The following ENTREP2 variants were observed in gnomAD, a reference collection of about 807,000 sequenced individuals.
The protein encoded by ENTREP2 is protein ENTREP2.
At chr15:29,229,431 C>G in the ENTREP2 span, among the ~76,000 whole-genome samples, 1 of 152,174 alleles carries the variant, frequency 6.6e-6, no homozygotes, top group East Asian at 1.9e-4. Context: ...TTTGCTCTAT[C>G]TTTCAATTCT....
the ENTREP2 span, among the ~76,000 whole-genome samples, chr15:29,639,901 T>G: frequency 2.6e-5 from 4 of 151,946 alleles, no homozygotes; most frequent in Non-Finnish European, 5.9e-5. Flanking sequence ...CCTGAGTAGC[T>G]GGGATTACAG....
chr15:29,655,291 T>TA, the ENTREP2 span, among the ~76,000 whole-genome samples: 1 of 152,156 alleles, frequency 6.6e-6, no homozygotes, highest in Non-Finnish European at 1.5e-5. Context: ...ATGCACAAGG[T>TA]AAAACTAGAG....
At chr15:29,320,206 C>T in the ENTREP2 span, among the ~76,000 whole-genome samples, 1 of 152,132 alleles carries the variant, frequency 6.6e-6, no homozygotes, top group African/African-American at 2.4e-5. Context: ...ACACACCACA[C>T]ACACACCTTC....
the ENTREP2 span, chr15:29,126,567 C>T: frequency 5.5e-6 from 7 of 1,271,232 alleles, no homozygotes; most frequent in Non-Finnish European, 6.6e-6. Context: ...GCCCCTCAAA[C>T]TCCAGACCTA....
the ENTREP2 span, among the ~76,000 whole-genome samples, chr15:29,383,090 C>T: frequency 0.1 from 15,352 of 152,092 alleles, 1,320 homozygotes; most frequent in African/African-American, 0.23. Context: ...GGTTTCCCAA[C>T]ACCTGTCTCC....
At chr15:29,568,795 T>C in the ENTREP2 span, among the ~76,000 whole-genome samples, 1 of 152,022 alleles carries the variant, frequency 6.6e-6, no homozygotes, top group African/African-American at 2.4e-5. Flanking sequence ...TTAACTGTTT[T>C]ACACATTTAT....
chr15:29,117,739 A>G, the ENTREP2 span: 1 of 153,996 alleles, frequency 6.5e-6, no homozygotes, highest in African/African-American at 2.4e-5. Context: ...TTTAGATGCT[A>G]TTATTACTGT....
chr15:29,146,511 T>C, the ENTREP2 span, among the ~76,000 whole-genome samples: 1 of 152,196 alleles, frequency 6.6e-6, no homozygotes, highest in African/African-American at 2.4e-5. Flanking sequence ...CTATGGTCAA[T>C]TGAGTCTGAC....
chr15:29,373,395 T>C, the ENTREP2 span, among the ~76,000 whole-genome samples: 1 of 152,118 alleles, frequency 6.6e-6, no homozygotes, highest in Non-Finnish European at 1.5e-5. Context: ...GAAACATTCC[T>C]AATGAGATAG....
At chr15:29,217,165 T>G in the ENTREP2 span, among the ~76,000 whole-genome samples, 1 of 152,130 alleles carries the variant, frequency 6.6e-6, no homozygotes, top group Admixed American at 6.5e-5. Flanking sequence ...TCAGAGGAAT[T>G]CCTAGGAATT....
At chr15:29,507,951 A>G in the ENTREP2 span, among the ~76,000 whole-genome samples, 1 of 152,174 alleles carries the variant, frequency 6.6e-6, no homozygotes, top group African/African-American at 2.4e-5. Context: ...TCAAAAAATC[A>G]GTGAATCCAG....
At chr15:29,136,247 T>G in the ENTREP2 span, 1 of 1,122,158 alleles carries the variant, frequency 8.9e-7, no homozygotes, top group East Asian at 2.8e-5. Flanking sequence ...CGCTCATGAG[T>G]GTTCACCTCA....
chr15:29,502,781 G>T, the ENTREP2 span, among the ~76,000 whole-genome samples: 1 of 151,872 alleles, frequency 6.6e-6, no homozygotes, highest in Non-Finnish European at 1.5e-5. Flanking sequence ...AAGGGCTAAG[G>T]ATTTGAACAA....
chr15:29,206,504 G>C, the ENTREP2 span, among the ~76,000 whole-genome samples: 1 of 152,078 alleles, frequency 6.6e-6, no homozygotes, highest in Admixed American at 6.6e-5. Flanking sequence ...AACATGGGTG[G>C]ACCCTGATGA....
the ENTREP2 span, among the ~76,000 whole-genome samples, chr15:29,502,293 T>C: frequency 6.8e-3 from 1,040 of 151,962 alleles, 6 homozygotes; most frequent in African/African-American, 0.024. Flanking sequence ...GTGAAACAGA[T>C]CTATGGCCAA....
chr15:29,222,199 G>C, the ENTREP2 span, among the ~76,000 whole-genome samples: 9 of 152,174 alleles, frequency 5.9e-5, no homozygotes. Context: ...TCAAAACCAA[G>C]ATGGTGACAA....
the ENTREP2 span, among the ~76,000 whole-genome samples, chr15:29,178,161 G>T: frequency 1.3e-5 from 2 of 151,736 alleles, no homozygotes; most frequent in African/African-American, 2.4e-5. Flanking sequence ...GCATATGGTG[G>T]TACGTGTCTA....
the ENTREP2 span, among the ~76,000 whole-genome samples, chr15:29,486,842 T>C: frequency 2.0e-5 from 3 of 151,920 alleles, no homozygotes; most frequent in Non-Finnish European, 4.4e-5. Flanking sequence ...AAAAATGAGC[T>C]CATGGATATA....
the ENTREP2 span, among the ~76,000 whole-genome samples, chr15:29,353,469 A>T: frequency 6.6e-6 from 1 of 152,206 alleles, no homozygotes; most frequent in South Asian, 2.1e-4. Context: ...GTGTCTATGC[A>T]TGTATACACA....
Sources: gnomAD v4.1 joint callset for allele counts (sites outside exome capture counted in the v4.1 genomes callset) on GRCh38, gnomAD v4.1.1 for gene constraint, MANE v1.5 for transcripts, NCBI Gene and HGNC (gene_info 2026-07-23, HGNC 2026-07-21) for gene names.